Variants in COBLL1 observed in about 807,000 individuals in gnomAD.
COBLL1 encodes the protein cordon-bleu WH2 repeat protein like 1.
A neutral mutation model predicts 94.8 loss-of-function variants in COBLL1; 50 were observed. The ratio of observed to expected loss-of-function variants is 0.53; its 90% CI spans 0.42 to 0.67. COBLL1 has a LOEUF of 0.67. Ranked by LOEUF, COBLL1 falls within the 30% of genes least tolerant of loss-of-function variation. COBLL1 has a pLI of 0.00. For missense variants in COBLL1, 1,362 were observed against 1,348.7 expected (o/e 1.01, Z -0.15); for synonymous variants, 448 against 473.8 (o/e 0.95, Z 0.71).
downstream of COBLL1, among the ~76,000 whole-genome samples, chr2:164,678,544 G>A (rs186412888): frequency 3.9e-5 from 6 of 151,906 alleles, no homozygotes; most frequent in Non-Finnish European, 7.4e-5. Flanking sequence ...GGGTAGAAAA[G>A]GAATCCTTAA....
intron 12 of COBLL1, chr2:164,692,601 C>T (rs1683677017): frequency 4.4e-6 from 2 of 458,730 alleles, no homozygotes; most frequent in Non-Finnish European, 7.7e-6. Context: ...CTCTCTTGAA[C>T]TCAGGAAGCC....
chr2:164,670,976 A>G (rs1691233289), intron 1 of COBLL1, among the ~76,000 whole-genome samples: 2 of 152,224 alleles, frequency 1.3e-5, no homozygotes, highest in Admixed American at 1.3e-4. Flanking sequence ...CTTCAAGAAC[A>G]ATGTAAAATA....
intron 2 of COBLL1, among the ~76,000 whole-genome samples, chr2:164,809,792 T>C (rs974447257): frequency 1.3e-5 from 2 of 151,910 alleles, no homozygotes; most frequent in African/African-American, 4.8e-5. Flanking sequence ...ACAAGCACTG[T>C]ACACATTTAA....
At position 164,800,527 on chromosome 2, in the gene COBLL1, C is replaced by T. The variant is rs145579637; in HGVS notation, c.41+40629G>A. 3.2e-4 allele frequency: 224 copies of T among 701,974 alleles called. 3 individuals carry two copies. The African/African-American group carries it at 3.5e-3, about 11-fold the overall frequency. 43.5% of individuals were successfully genotyped at this position (701,974 alleles called of 1,614,324 possible). A position where few individuals can be genotyped will look rare whatever the true frequency, so the allele number is the denominator to read the frequency against. ...GTCTAGAAGTTTCTTATTAAATATA[C>T]ACTTACCATGACCCAGCAATCTCTC... is the stretch of plus-strand genomic sequence containing the variant. On this transcript the variant is annotated intron_variant, in intron 2 of 13. Transcript: ENST00000652658.
At chr2:164,783,754 G>C (rs1236507967) in intron 2 of COBLL1, among the ~76,000 whole-genome samples, 1 of 152,034 alleles carries the variant, frequency 6.6e-6, no homozygotes, top group Non-Finnish European at 1.5e-5. Context: ...GATAGCACGA[G>C]CCAGGAGTTT....
rs768740828 is a variant in COBLL1 at position 164,700,651 on chromosome 2, A to G, written c.1331T>C (p.Ile444Thr). Residue 444 changes from isoleucine (I) to threonine (T), a missense_variant, in exon 10 of 14, where the codon ATT (isoleucine) becomes ACT (threonine). By Grantham distance (89) the Ile-to-Thr change is moderately conservative (BLOSUM62 -1). Transcript: ENST00000652658. ...TATTATATCAGTAGATACAAAAGGA[A>G]TATCTTGTGACTTCGGAGAAATATT... Reference protein sequence around the residue: ...AENISPKSQDIPFVSTDIINT... With the variant: ...AENISPKSQDTPFVSTDIINT... 6.2e-6 allele frequency: 10 copies of G among 1,613,224 alleles called. No homozygotes were observed. The highest frequency in any genetic ancestry group is 5.0e-5 in the Admixed American group (3 of 60,016).
Position 164,695,194 on chromosome 2 carries a change from G to A in COBLL1, c.2198C>T (p.Thr733Ile), listed in dbSNP as rs1030024838. The A allele has an allele frequency of 6.2e-6, 10 of 1,613,770 alleles. No individual in the cohort carries two copies. The Admixed American group carries it at 1.0e-4, about 16-fold the overall frequency. The change falls in exon 12 of 14, where the codon ACT becomes ATT. Residue 733 changes from threonine to isoleucine, a missense_variant. Physicochemically the swap from Thr to Ile is moderately conservative, Grantham distance 89 (BLOSUM62 -1). Coordinates refer to ENST00000652658, the MANE Select transcript of COBLL1 (RefSeq NM_001365672.2). ...GGATTTGGGAGGCACTATTTTATAA[G>A]TAGTCATGCCAATTTTGGGTATATA... ...REYIPKIGMTTYKIVPPKSLE... is the reference protein window; with the variant it reads ...REYIPKIGMTIYKIVPPKSLE...
chr2:164,662,473 T>C (rs1691085835), intron 2 of COBLL1, among the ~76,000 whole-genome samples: 1 of 152,250 alleles, frequency 6.6e-6, no homozygotes, highest in Non-Finnish European at 1.5e-5. Flanking sequence ...CTGTGTAACA[T>C]GGAACTAATA....
intron 7 of COBLL1, among the ~76,000 whole-genome samples, chr2:164,716,363 C>T (rs570082889): frequency 1.7e-4 from 26 of 152,042 alleles, no homozygotes; most frequent in Non-Finnish European, 2.9e-4. Context: ...TTCAAATCAT[C>T]AGGAAAAATC....
Position 164,694,842 on chromosome 2 carries a change from T to A in COBLL1, c.2550A>T (p.Glu850Asp), listed in dbSNP as rs746592490. The A allele has an allele frequency of 6.2e-7, 1 of 1,613,946 alleles. No individual in the cohort carries two copies. The highest frequency in any genetic ancestry group is 8.5e-7 in the Non-Finnish European group (1 of 1,179,932). The change falls in exon 12 of 14, where the codon GAA becomes GAT. Residue 850 changes from glutamate to aspartate, a missense_variant. Transcript: ENST00000652658. ...TTGAAGCCCGAGATTTAAATTTTGATTCCAAAATATTGTTTATTTCTTCCA... is the reference window on the plus strand; with the variant it reads ...TTGAAGCCCGAGATTTAAATTTTGAATCCAAAATATTGTTTATTTCTTCCA... Reference protein sequence around the residue: ...PNLEEINNILESKFKSRASNA... With the variant: ...PNLEEINNILDSKFKSRASNA...
Position 164,692,331 on chromosome 2 carries a change from T to C in COBLL1, c.3190A>G (p.Thr1064Ala). The C allele has an allele frequency of 6.2e-7, 1 of 1,613,582 alleles. No individual in the cohort carries two copies. Among genetic ancestry groups the C allele is most frequent in the Non-Finnish European group, 8.5e-7 (1 of 1,179,630 alleles). Residue 1064 changes from threonine (T) to alanine (A), a missense_variant, in exon 13 of 14, where the codon ACT becomes GCT. By Grantham distance (58) the Thr-to-Ala change is moderately conservative. Transcript: ENST00000652658. ...GTTAAAGAACTTTGTCTCATAACAGTGAATGATGGGCCATCAGTTGGAGTT... is the reference window on the plus strand; with the variant it reads ...GTTAAAGAACTTTGTCTCATAACAGCGAATGATGGGCCATCAGTTGGAGTT... ...IPTPTDGPSF[T>A]VMRQSSLTFQ...
At chr2:164,729,198 T>A (rs970596020) in intron 4 of COBLL1, among the ~76,000 whole-genome samples, 3 of 151,668 alleles carry the variant, frequency 2.0e-5, no homozygotes, top group Non-Finnish European at 4.4e-5. Flanking sequence ...AAAAGCTTCA[T>A]AACAATATGA....
Position 164,805,287 on chromosome 2 carries a change from GTCTCTCTCTCTCTC to G in COBLL1, c.41+35855_41+35868del, listed in dbSNP as rs543005860. On this transcript the variant is annotated intron_variant, in intron 2 of 13. Transcript: ENST00000652658. ...TACTGATATATTATTCTCTCTGTCTGTCTCTCTCTCTCTCTCTCTCTCTCTCTCTCTCTCTCTCT... is the reference window on the plus strand; with the variant it reads ...TACTGATATATTATTCTCTCTGTCTGTCTCTCTCTCTCTCTCTCTCTCTCT... Among the ~76,000 whole-genome samples, 307 of 34,184 alleles carry G rather than the reference GTCTCTCTCTCTCTC, an allele frequency of 9.0e-3. 31 individuals carry two copies. The highest frequency in any genetic ancestry group is 0.023 in the East Asian group (38 of 1,652). 22.4% of individuals were successfully genotyped at this position (34,184 alleles called of 152,430 possible). A position where few individuals can be genotyped will look rare whatever the true frequency, so the allele number is the denominator to read the frequency against.
chr2:164,663,373 A>T (rs1691101170), intron 2 of COBLL1, among the ~76,000 whole-genome samples: 2 of 152,124 alleles, frequency 1.3e-5, no homozygotes, highest in South Asian at 4.1e-4. Flanking sequence ...TGTTGGTAGG[A>T]ATGTAAATTA....
chr2:164,738,756 G>A lies in COBLL1; in HGVS notation c.230+4931C>T, dbSNP rs187915346. Among the ~76,000 whole-genome samples, 8 of 152,040 alleles carry A rather than the reference G, an allele frequency of 5.3e-5. No individual in the cohort carries two copies. In the East Asian group the frequency reaches 7.7e-4, roughly 15 times the overall value. Reference sequence around the variant, plus strand: ...AGATTTTGAAGTATTTGCATTACACGAGTTGAGCATCTCTAATCTGGAAAT... The same window carrying A: ...AGATTTTGAAGTATTTGCATTACACAAGTTGAGCATCTCTAATCTGGAAAT... On this transcript the variant is annotated intron_variant, in intron 3 of 13. Transcript: ENST00000652658.
intron 2 of COBLL1, among the ~76,000 whole-genome samples, chr2:164,804,295 C>T (rs1457848729): frequency 6.6e-6 from 1 of 152,112 alleles, no homozygotes; most frequent in Non-Finnish European, 1.5e-5. Flanking sequence ...TATTGGATCA[C>T]ACAACTCTAT....
intron 2 of COBLL1, among the ~76,000 whole-genome samples, chr2:164,663,824 A>G (rs1333696968): frequency 6.6e-6 from 1 of 152,190 alleles, no homozygotes; most frequent in Non-Finnish European, 1.5e-5. Flanking sequence ...AGCAAGGACT[A>G]AAAAACTTCC....
intron 2 of COBLL1, among the ~76,000 whole-genome samples, chr2:164,753,931 C>A (rs1687262494): frequency 6.6e-6 from 1 of 151,700 alleles, no homozygotes; most frequent in South Asian, 2.1e-4. Context: ...CAGGGTCGCA[C>A]CACGTTGGCC....
intron 2 of COBLL1, among the ~76,000 whole-genome samples, chr2:164,752,648 C>T (rs577637064): frequency 6.6e-6 from 1 of 152,164 alleles, no homozygotes; most frequent in South Asian, 2.1e-4. Context: ...AAATCCACTC[C>T]CCACTACCCA....
Sources: gnomAD v4.1 joint callset for allele counts (sites outside exome capture counted in the v4.1 genomes callset) on GRCh38, gnomAD v4.1.1 for gene constraint, MANE v1.5 for transcripts, NCBI Gene and HGNC (gene_info 2026-07-23, HGNC 2026-07-21) for gene names.